Variants in MRPS17 observed in about 807,000 individuals in gnomAD.
MRPS17 encodes mitochondrial ribosomal protein S17, also known as small ribosomal subunit protein uS17m.
A neutral mutation model predicts 11.3 loss-of-function variants in MRPS17; 6 were observed. The observed-to-expected ratio is 0.53, with a 90% CI of 0.29 to 1.05. The LOEUF (loss-of-function observed/expected upper bound fraction) is 1.05. Among genes scored for constraint, MRPS17 ranks in the 50% least tolerant of loss-of-function variants. MRPS17 has a pLI of 0.08. For missense variants in MRPS17, 139 were observed against 153.6 expected (o/e 0.90, Z 0.50); for synonymous variants, 56 against 60.4 (o/e 0.93, Z 0.34).
rs377334457 is a variant in MRPS17 at position 55,955,013 on chromosome 7, T to C, written c.228T>C (p.His76=). Residue 76 remains histidine, a synonymous_variant, in exon 3 of 3, where the codon CAT becomes CAC. Coordinates refer to ENST00000285298, the MANE Select transcript of MRPS17 (RefSeq NM_015969.3). ...CTTTACCTGTTCCACGAGCAAAGCATGTGAAACATGAACTGGCTGAGATCG... is the reference window on the plus strand; with the variant it reads ...CTTTACCTGTTCCACGAGCAAAGCACGTGAAACATGAACTGGCTGAGATCG... The part of the protein sequence containing the change: ...LRALPVPRAK[H]VKHELAEIVF... The C allele has an allele frequency of 5.6e-6, 9 of 1,613,982 alleles. No homozygotes were observed. Among genetic ancestry groups the C allele is most frequent in the East Asian group, 2.2e-5 (1 of 44,884 alleles).
chr7:55,952,704 C>A, intron 1 of MRPS17, among the ~76,000 whole-genome samples: 1 of 149,450 alleles, frequency 6.7e-6, no homozygotes, highest in East Asian at 2.0e-4. Context: ...CACTTCACTC[C>A]AGACTGGGCG....
Position 55,955,060 on chromosome 7 carries a change from T to C in MRPS17, c.275T>C (p.Ile92Thr). The change falls in exon 3 of 3, where the codon ATA becomes ACA. Residue 92 changes from isoleucine to threonine, a missense_variant. By Grantham distance (89) the Ile-to-Thr change is moderately conservative. Coordinates refer to ENST00000285298, the MANE Select transcript of MRPS17 (RefSeq NM_015969.3). ...AEIVFKVGKV[I>T]DPVTGKPCAG... ...ATCGTTTTCAAAGTTGGAAAAGTCATAGATCCAGTGACAGGAAAGCCCTGT... is the reference window on the plus strand; with the variant it reads ...ATCGTTTTCAAAGTTGGAAAAGTCACAGATCCAGTGACAGGAAAGCCCTGT... 1 of 1,614,182 alleles carries C rather than the reference T, an allele frequency of 6.2e-7. No homozygotes were observed. Among genetic ancestry groups the C allele is most frequent in the Non-Finnish European group, 8.5e-7 (1 of 1,180,040 alleles).
chr7:55,953,053 T>A (rs763606370), intron 1 of MRPS17, 126 bp from the exon 2 acceptor site: 3 of 1,067,584 alleles, frequency 2.8e-6, no homozygotes, highest in Non-Finnish European at 4.1e-6. Context: ...AACAAAACTG[T>A]TTCTGGGTGG....
At position 55,955,278 on chromosome 7, in the gene MRPS17, C is replaced by T; in HGVS notation, c.*100C>T. 7.0e-7 allele frequency: 1 copy of T among 1,424,604 alleles called. No individual in the cohort carries two copies. The highest frequency in any genetic ancestry group is 1.4e-5 in the South Asian group (1 of 71,146). The allele number at this position is 1,424,604 out of a possible 1,614,324, so 88.2% of individuals were successfully genotyped here. ...TCATCACAAACTGTGTCCAGTTTCT[C>T]TGTGGTGTTTATGAAATAGCTAAAA... is the stretch of plus-strand genomic sequence containing the variant. On this transcript the variant is annotated 3_prime_UTR_variant, in exon 3 of 3. Transcript: ENST00000285298.
Position 55,955,426 on chromosome 7 carries a change from T to C in MRPS17, c.*248T>C, listed in dbSNP as rs1786713145. 1 of 453,878 alleles carries C rather than the reference T, an allele frequency of 2.2e-6. No homozygotes were observed. The highest frequency in any genetic ancestry group is 2.0e-5 in the African/African-American group (1 of 49,978). The allele number at this position is 453,878 out of a possible 1,614,324, so 28.1% of individuals were successfully genotyped here. On this transcript the variant is annotated 3_prime_UTR_variant, in exon 3 of 3. Coordinates refer to ENST00000285298, the MANE Select transcript of MRPS17 (RefSeq NM_015969.3). ...AAGTGTGCCTAGCAGTCTGTTGCATTTTGTAAGCTCACAGTTTTTTGTTTT... is the reference window on the plus strand; with the variant it reads ...AAGTGTGCCTAGCAGTCTGTTGCATCTTGTAAGCTCACAGTTTTTTGTTTT...
intron 1 of MRPS17, among the ~76,000 whole-genome samples, 169 bp from the exon 2 acceptor site, chr7:55,953,010 C>T (rs897186728): frequency 6.6e-6 from 1 of 151,730 alleles, no homozygotes; most frequent in African/African-American, 2.4e-5. Flanking sequence ...CCAGCCTGGG[C>T]GACAGAGAGA....
intron 1 of MRPS17, 121 bp from the exon 2 acceptor site, chr7:55,953,057 TG>T (rs1221254866): frequency 3.7e-6 from 4 of 1,080,266 alleles, no homozygotes; most frequent in African/African-American, 1.6e-5. Context: ...AAACTGTTTC[TG>T]GGTGGAGGGG....
Position 55,954,961 on chromosome 7 carries a change from C to T in MRPS17, c.176C>T (p.Thr59Ile), listed in dbSNP as rs1237368760. Reference protein sequence around the residue: ...YFAHDALQQCTVGDIVLLRAL... With the variant: ...YFAHDALQQCIVGDIVLLRAL... ...GCTCACGATGCCCTTCAGCAGTGCA[C>T]AGTTGGGGATATTGTGCTTCTCAGA... The change falls in exon 3 of 3, where the codon ACA becomes ATA. Residue 59 changes from threonine (T) to isoleucine (I), a missense_variant. Physicochemically the swap from Thr to Ile is moderately conservative, Grantham distance 89. Transcript: ENST00000285298. 6 of 1,614,040 alleles carry T rather than the reference C, an allele frequency of 3.7e-6. No individual in the cohort carries two copies. The Admixed American group carries it at 8.3e-5, about 22-fold the overall frequency.
In MRPS17 at chr7:55,954,973, T is replaced by C. The variant is rs761972373; in HGVS notation, c.188T>C (p.Ile63Thr). The change falls in exon 3 of 3, where the codon ATT (isoleucine) becomes ACT (threonine). Residue 63 changes from isoleucine to threonine, a missense_variant. Ile to Thr is a moderately conservative substitution (Grantham distance 89). Transcript: ENST00000285298. ...CTTCAGCAGTGCACAGTTGGGGATA[T>C]TGTGCTTCTCAGAGCTTTACCTGTT... ...DALQQCTVGDIVLLRALPVPR... is the reference protein window; with the variant it reads ...DALQQCTVGDTVLLRALPVPR... 1 of 1,614,060 alleles carries C rather than the reference T, an allele frequency of 6.2e-7. No individual in the cohort carries two copies. The highest frequency in any genetic ancestry group is 1.3e-5 in the African/African-American group (1 of 74,934).
chr7:55,953,312 A>G lies in MRPS17; in HGVS notation c.117A>G (p.Leu39=). The stretch of plus-strand genomic sequence containing the variant: ...CCAGGCTTGTTCTGGATCCCTATTT[A>G]TTAAAGGTGAGAAACATTCTTGTTT... ...RVTRLVLDPY[L]LKYFNKRKTY... is the part of the protein sequence containing the mutation. The change falls in exon 2 of 3, where the codon TTA becomes TTG. Residue 39 remains leucine, a synonymous_variant. Coordinates refer to ENST00000285298, the MANE Select transcript of MRPS17 (RefSeq NM_015969.3). 2 of 1,613,794 alleles carry G rather than the reference A, an allele frequency of 1.2e-6. No homozygotes were observed. Among genetic ancestry groups the G allele is most frequent in the Non-Finnish European group, 1.7e-6 (2 of 1,179,986 alleles).
At position 55,955,405 on chromosome 7, in the gene MRPS17, G is replaced by A. The variant is rs1326955969; in HGVS notation, c.*227G>A. 1 of 535,692 alleles carries A rather than the reference G, an allele frequency of 1.9e-6. No individual in the cohort carries two copies. The highest frequency in any genetic ancestry group is 3.5e-5 in the Admixed American group (1 of 28,610). The allele number at this position is 535,692 out of a possible 1,614,324, so 33.2% of individuals were successfully genotyped here. A position where few individuals can be genotyped will look rare whatever the true frequency, so the allele number is the denominator to read the frequency against. ...AACATACTTCCACGTTACATTAAGT[G>A]TGCCTAGCAGTCTGTTGCATTTTGT... On this transcript the variant is annotated 3_prime_UTR_variant, in exon 3 of 3. Coordinates refer to ENST00000285298, the MANE Select transcript of MRPS17 (RefSeq NM_015969.3).
intron 1 of MRPS17, 121 bp from the exon 2 acceptor site, chr7:55,953,058 G>A (rs1264651501): frequency 9.3e-7 from 1 of 1,080,270 alleles, no homozygotes; most frequent in African/African-American, 1.6e-5. Flanking sequence ...AACTGTTTCT[G>A]GGTGGAGGGG....
rs1229295750 is a variant in MRPS17 at position 55,956,215 on chromosome 7, C to T, written c.*1037C>T. 6.6e-6 allele frequency: 1 copy of T among 151,996 alleles called. No homozygotes were observed. The highest frequency in any genetic ancestry group is 1.5e-5 in the Non-Finnish European group (1 of 68,022). 9.4% of individuals were successfully genotyped at this position (151,996 alleles called of 1,614,324 possible). On this transcript the variant is annotated 3_prime_UTR_variant, in exon 3 of 3. Coordinates refer to ENST00000285298, the MANE Select transcript of MRPS17 (RefSeq NM_015969.3). ...TCAGCCCACCACGACCTCCGCCTCC[C>T]AGGTTCAAGTGATTCTGCTTCAGCC...
chr7:55,954,628 G>T (rs13227582), intron 2 of MRPS17, among the ~76,000 whole-genome samples: 11 of 151,898 alleles, frequency 7.2e-5, no homozygotes, highest in Non-Finnish European at 1.3e-4. Flanking sequence ...AGCTACTTGG[G>T]AGGCTGAGGC....
In MRPS17 at chr7:55,955,929, G is replaced by A. The variant is rs1786721107; in HGVS notation, c.*751G>A. 6.6e-6 allele frequency: 1 copy of A among 151,776 alleles called. No homozygotes were observed. Among genetic ancestry groups the A allele is most frequent in the Non-Finnish European group, 1.5e-5 (1 of 68,040 alleles). 9.4% of individuals were successfully genotyped at this position (151,776 alleles called of 1,614,324 possible). A position where few individuals can be genotyped will look rare whatever the true frequency, so the allele number is the denominator to read the frequency against. ...CAGGAGCGTACCACTACACTTGGCT[G>A]ATTTTTTGTAAATTTTGTAGAGACA... On this transcript the variant is annotated 3_prime_UTR_variant, in exon 3 of 3. Transcript: ENST00000285298.
In MRPS17 at chr7:55,953,293, T is replaced by C. The variant is rs747595912; in HGVS notation, c.98T>C (p.Leu33Pro). ...QKTAKVRVTR[L>P]VLDPYLLKYF... Reference sequence around the variant, plus strand: ...ACTGCTAAAGTGAGAGTGACCAGGCTTGTTCTGGATCCCTATTTATTAAAG... The same window carrying C: ...ACTGCTAAAGTGAGAGTGACCAGGCCTGTTCTGGATCCCTATTTATTAAAG... The change falls in exon 2 of 3, where the codon CTT (leucine) becomes CCT (proline). Residue 33 changes from leucine to proline, a missense_variant. Coordinates refer to ENST00000285298, the MANE Select transcript of MRPS17 (RefSeq NM_015969.3). 1 of 1,613,994 alleles carries C rather than the reference T, an allele frequency of 6.2e-7. No individual in the cohort carries two copies. Among genetic ancestry groups the C allele is most frequent in the Admixed American group, 1.7e-5 (1 of 59,964 alleles).
rs189367783 is a variant in MRPS17 at position 55,954,728 on chromosome 7, A to G, written c.124-181A>G. 8.9e-4 allele frequency among the ~76,000 whole-genome samples: 136 copies of G among 152,316 alleles called. 1 individual carries two copies. The Middle Eastern group carries it at 0.01, about 11-fold the overall frequency. On this transcript the variant is annotated intron_variant, in intron 2 of 2. Coordinates refer to ENST00000285298, the MANE Select transcript of MRPS17 (RefSeq NM_015969.3). ...AGCCTGGGCAACAGAGCGAGAATCC[A>G]TCTCACTGGATTGTCTCACTATATC...
chr7:55,953,298 C>A lies in MRPS17; in HGVS notation c.103C>A (p.Leu35Met). 1 of 1,613,822 alleles carries A rather than the reference C, an allele frequency of 6.2e-7. No homozygotes were observed. ...TAKVRVTRLVLDPYLLKYFNK... is the reference protein window; with the variant it reads ...TAKVRVTRLVMDPYLLKYFNK... ...TAAAGTGAGAGTGACCAGGCTTGTT[C>A]TGGATCCCTATTTATTAAAGGTGAG... is the stretch of plus-strand genomic sequence containing the variant. The change falls in exon 2 of 3, where the codon CTG (leucine) becomes ATG (methionine). Residue 35 changes from leucine (L) to methionine (M), a missense_variant. By Grantham distance (15) the Leu-to-Met change is conservative (BLOSUM62 2). Coordinates refer to ENST00000285298, the MANE Select transcript of MRPS17 (RefSeq NM_015969.3).
In MRPS17 at chr7:55,953,033, A is replaced by T. The variant is rs544549934; in HGVS notation, c.-17-146A>T. On this transcript the variant is annotated intron_variant, in intron 1 of 2. Coordinates refer to ENST00000285298, the MANE Select transcript of MRPS17 (RefSeq NM_015969.3). ...GGCGACAGAGAGAGACTACATCTAA[A>T]AAAAAACAAAACAAAACTGTTTCTG... The T allele has an allele frequency of 2.9e-5, 29 of 985,450 alleles. No individual in the cohort carries two copies. In the South Asian group the frequency reaches 4.8e-4, roughly 16 times the overall value. The allele number at this position is 985,450 out of a possible 1,614,324, so 61.0% of individuals were successfully genotyped here.
Sources: gnomAD v4.1 joint callset for allele counts (sites outside exome capture counted in the v4.1 genomes callset) on GRCh38, gnomAD v4.1.1 for gene constraint, MANE v1.5 for transcripts, NCBI Gene and HGNC (gene_info 2026-07-23, HGNC 2026-07-21) for gene names.